Variants in MACROD2 observed in about 807,000 individuals in gnomAD.
The protein encoded by MACROD2 is ADP-ribose glycohydrolase MACROD2.
A neutral mutation model predicts 70.4 loss-of-function variants in MACROD2; 36 were observed. The ratio of observed to expected loss-of-function variants is 0.51; its 90% CI spans 0.39 to 0.68. The LOEUF (loss-of-function observed/expected upper bound fraction) is 0.68, where lower values mean the gene tolerates loss of function less well. MACROD2 is among the 30% of genes least tolerant of loss of function. The pLI, the probability that MACROD2 is intolerant of heterozygous loss-of-function variation, is 0.00. For missense variants in MACROD2, 496 were observed against 538.4 expected (o/e 0.92, Z 0.78); for synonymous variants, 172 against 178.8 (o/e 0.96, Z 0.30).
At chr20:15,711,714 C>T (rs2050631759) in intron 8 of MACROD2, among the ~76,000 whole-genome samples, 1 of 152,200 alleles carries the variant, frequency 6.6e-6, no homozygotes, top group African/African-American at 2.4e-5. Flanking sequence ...TACCAGCATA[C>T]ACTTTCAATC....
intron 10 of MACROD2, among the ~76,000 whole-genome samples, chr20:15,928,940 G>T (rs1226734503): frequency 6.6e-6 from 1 of 152,130 alleles, no homozygotes; most frequent in Admixed American, 6.5e-5. Flanking sequence ...TTTTATAAAA[G>T]AGTGCTAATT....
At chr20:15,428,152 T>C (rs2146352228) in intron 6 of MACROD2, among the ~76,000 whole-genome samples, 1 of 152,340 alleles carries the variant, frequency 6.6e-6, no homozygotes, top group Middle Eastern at 3.4e-3. Flanking sequence ...TGTTCTTTAT[T>C]TCTCTTACTC....
chr20:14,025,296 G>C (rs1456773005), intron 2 of MACROD2, among the ~76,000 whole-genome samples: 1 of 152,010 alleles, frequency 6.6e-6, no homozygotes, highest in Non-Finnish European at 1.5e-5. Flanking sequence ...TATCTATTTT[G>C]TTAGTCTTCA....
intron 15 of MACROD2, among the ~76,000 whole-genome samples, chr20:16,027,515 G>A (rs1438331447): frequency 6.6e-6 from 1 of 152,204 alleles, no homozygotes; most frequent in East Asian, 1.9e-4. Context: ...CTCGCCATCA[G>A]AGATGCTTCT....
At chr20:14,906,627 AT>A (rs573431294) in intron 5 of MACROD2, among the ~76,000 whole-genome samples, 4 of 152,132 alleles carry the variant, frequency 2.6e-5, no homozygotes, top group East Asian at 1.9e-4. Flanking sequence ...AGACAATTAA[AT>A]TTTTTTTCAG....
chr20:16,009,563 C>A (rs1473736374), intron 15 of MACROD2, among the ~76,000 whole-genome samples: 1 of 152,128 alleles, frequency 6.6e-6, no homozygotes, highest in Non-Finnish European at 1.5e-5. Context: ...TCGAGACCAA[C>A]ATGGCCAACA....
rs11474711 is a variant in MACROD2 at position 14,786,204 on chromosome 20, TAGAGAGAG to T, written c.418+101271_418+101278del. The stretch of plus-strand genomic sequence containing the variant: ...AGTGTTTGGTTCACTCAGAGAAAGA[TAGAGAGAG>T]AGAGAGAGAGAGAGAGAGAGAGAGA... On this transcript the variant is annotated intron_variant, in intron 5 of 17. Coordinates refer to ENST00000684519, the MANE Select transcript of MACROD2 (RefSeq NM_001351661.2). Among the ~76,000 whole-genome samples the T allele has an allele frequency of 8.9e-5, 12 of 135,534 alleles. 1 individual carries two copies. Among genetic ancestry groups the T allele is most frequent in the East Asian group, 6.9e-4 (3 of 4,334 alleles). The allele number at this position is 135,534 out of a possible 152,430, so 88.9% of individuals were successfully genotyped here. A position where few individuals can be genotyped will look rare whatever the true frequency, so the allele number is the denominator to read the frequency against.
In MACROD2 at chr20:15,671,669, TTCA is replaced by T. The variant is rs141670318; in HGVS notation, c.645+171826_645+171828del. Among the ~76,000 whole-genome samples, 1,418 of 152,304 alleles carry T rather than the reference TTCA, an allele frequency of 9.3e-3. 16 individuals are homozygous for T. Among genetic ancestry groups the T allele is most frequent in the African/African-American group, 0.027 (1,116 of 41,550 alleles). On this transcript the variant is annotated intron_variant, in intron 8 of 17. Coordinates refer to ENST00000684519, the MANE Select transcript of MACROD2 (RefSeq NM_001351661.2). ...TCCACCAAGTGACATCTAGAGACTC[TTCA>T]TCAATAATATGAGATGGAATCATGG...
intron 8 of MACROD2, among the ~76,000 whole-genome samples, chr20:15,763,974 A>G (rs143469233): frequency 9.2e-4 from 140 of 152,380 alleles, no homozygotes; most frequent in Non-Finnish European, 1.6e-3. Context: ...GATTTTTAGC[A>G]AGATTTGCAT....
In MACROD2 at chr20:16,050,727, C is replaced by T. The variant is rs1225980602; in HGVS notation, c.*851C>T. 1 of 152,218 alleles carries T rather than the reference C, an allele frequency of 6.6e-6. No individual in the cohort carries two copies. Among genetic ancestry groups the T allele is most frequent in the Non-Finnish European group, 1.5e-5 (1 of 68,056 alleles). The allele number at this position is 152,218 out of a possible 1,614,324, so 9.4% of individuals were successfully genotyped here. ...TTAAAAGCTAAGAAAAGGGGCAGTG[C>T]ATTTAGGACCCAAACATATGCCTAT... On this transcript the variant is annotated 3_prime_UTR_variant, in exon 18 of 18. Transcript: ENST00000684519.
intron 12 of MACROD2, among the ~76,000 whole-genome samples, chr20:15,960,880 G>T (rs368758620): frequency 1.5e-3 from 232 of 152,232 alleles, no homozygotes; most frequent in Non-Finnish European, 2.9e-3. Flanking sequence ...AGCTTGCATG[G>T]GCTGTTTTTG....
chr20:15,344,297 A>G (rs542562544), intron 6 of MACROD2, among the ~76,000 whole-genome samples: 49 of 152,116 alleles, frequency 3.2e-4, no homozygotes, highest in Non-Finnish European at 5.9e-4. Context: ...TCCAATCTAT[A>G]TACTCTGTTA....
chr20:15,836,490 C>A (rs2147124334), intron 8 of MACROD2, among the ~76,000 whole-genome samples: 1 of 152,216 alleles, frequency 6.6e-6, no homozygotes, highest in East Asian at 1.9e-4. Context: ...AAATACAATT[C>A]TCTCCAGATA....
At position 14,321,064 on chromosome 20, in the gene MACROD2, T is replaced by A. The variant is rs562658758; in HGVS notation, c.272-172415T>A. 2.0e-5 allele frequency among the ~76,000 whole-genome samples: 3 copies of A among 152,198 alleles called. No individual in the cohort carries two copies. The East Asian group carries it at 5.8e-4, about 29-fold the overall frequency. On this transcript the variant is annotated intron_variant, in intron 3 of 17. Coordinates refer to ENST00000684519, the MANE Select transcript of MACROD2 (RefSeq NM_001351661.2). Reference sequence around the variant, plus strand: ...CACTTCTTGAAGGCAAGCCATCTGCTACTTATAAAAAAGAAGCCAGCTGGG... The same window carrying A: ...CACTTCTTGAAGGCAAGCCATCTGCAACTTATAAAAAAGAAGCCAGCTGGG...
chr20:14,750,507 G>T (rs2071856010), intron 5 of MACROD2, among the ~76,000 whole-genome samples: 1 of 152,088 alleles, frequency 6.6e-6, no homozygotes, highest in Non-Finnish European at 1.5e-5. Context: ...TGTCATCCCA[G>T]CTCAAGTGCA....
chr20:15,729,831 C>T lies in MACROD2; in HGVS notation c.646-132914C>T, dbSNP rs375694026. On this transcript the variant is annotated intron_variant, in intron 8 of 17. Transcript: ENST00000684519. ...GAACACAGCATGCAGTTGGGTCATG[C>T]TTTTTTTTTTTTTTTGGATGGAGTT... Among the ~76,000 whole-genome samples the T allele has an allele frequency of 1.7e-3, 107 of 64,750 alleles. 2 individuals carry two copies. Among genetic ancestry groups the T allele is most frequent in the Non-Finnish European group, 1.8e-3 (63 of 35,850 alleles). The allele number at this position is 64,750 out of a possible 152,430, so 42.5% of individuals were successfully genotyped here.
chr20:14,205,858 T>A (rs1320453808), intron 3 of MACROD2, among the ~76,000 whole-genome samples: 4 of 152,168 alleles, frequency 2.6e-5, no homozygotes, highest in Non-Finnish European at 5.9e-5. Context: ...TTGGATCCAA[T>A]AGTTAAATAG....
intron 6 of MACROD2, among the ~76,000 whole-genome samples, chr20:15,349,608 T>C (rs1465343307): frequency 6.6e-6 from 1 of 151,790 alleles, no homozygotes; most frequent in African/African-American, 2.4e-5. Flanking sequence ...TAAAAAAAAT[T>C]AGCTGGGCAT....
intron 5 of MACROD2, among the ~76,000 whole-genome samples, chr20:15,124,518 T>G (rs1238079061): frequency 6.6e-6 from 1 of 151,982 alleles, no homozygotes; most frequent in Admixed American, 6.6e-5. Context: ...AGCCATGCTG[T>G]GTGTTTTATC....
Sources: allele counts gnomAD v4.1 joint callset (sites outside exome capture counted in the v4.1 genomes callset), GRCh38; gene constraint gnomAD v4.1.1; transcripts MANE v1.5; gene names NCBI Gene and HGNC (gene_info 2026-07-23, HGNC 2026-07-21).